The following CSGALNACT1 variants were observed in gnomAD, a reference collection of about 807,000 sequenced individuals.
CSGALNACT1 encodes beta4GalNAcT-1.
Under a neutral mutation model 51.0 loss-of-function variants are expected in CSGALNACT1, and 52 were observed. The observed-to-expected ratio is 1.02, with a 90% confidence interval of 0.82 to 1.29. The LOEUF is 1.29. CSGALNACT1 is among the 50% of genes most tolerant of loss of function. The probability of loss-of-function intolerance (pLI) is 0.00; values close to 1 mark genes in which losing one functional copy is unlikely to be tolerated. For missense variants in CSGALNACT1, 935 were observed against 679.2 expected (o/e 1.38, Z -4.19); for synonymous variants, 341 against 254.4 (o/e 1.34, Z -3.24).
intron 3 of CSGALNACT1, among the ~76,000 whole-genome samples, chr8:19,545,861 T>A (rs1337575726): frequency 6.7e-6 from 1 of 148,414 alleles, no homozygotes; most frequent in African/African-American, 2.4e-5. Flanking sequence ...ATATACTATA[T>A]ATTATATATA....
In CSGALNACT1 at chr8:19,597,376, G is replaced by A. The variant is rs565750017; in HGVS notation, c.-416+4395C>T. 2.4e-4 allele frequency among the ~76,000 whole-genome samples: 32 copies of A among 134,726 alleles called. 2 individuals carry two copies. In the South Asian group the frequency reaches 6.1e-3, roughly 26 times the overall value. The allele number at this position is 134,726 out of a possible 152,430, so 88.4% of individuals were successfully genotyped here. A position where few individuals can be genotyped will look rare whatever the true frequency, so the allele number is the denominator to read the frequency against. On this transcript the variant is annotated intron_variant, in intron 2 of 9. Transcript: ENST00000454498. ...AGTGATGTGATCATAGCTCACTGCA[G>A]ACTCAGTCTCCTGGGCTCAAGCAAT...
chr8:19,477,658 C>T (rs1194634165), intron 4 of CSGALNACT1, among the ~76,000 whole-genome samples: 1 of 152,210 alleles, frequency 6.6e-6, no homozygotes, highest in African/African-American at 2.4e-5. Context: ...GGCTCTAGAG[C>T]CGGGTGTGAG....
rs923134600 is a variant in CSGALNACT1 at position 19,454,637 on chromosome 8, C to T, written c.851+3789G>A. On this transcript the variant is annotated intron_variant, in intron 5 of 9. Transcript: ENST00000454498. Reference sequence around the variant, plus strand: ...GGTGAGCTAAGGTTCTGCCACTGCACTCCAGCCTGGGTGACAGTGAGACTC... The same window carrying T: ...GGTGAGCTAAGGTTCTGCCACTGCATTCCAGCCTGGGTGACAGTGAGACTC... Among the ~76,000 whole-genome samples, 5 of 152,292 alleles carry T rather than the reference C, an allele frequency of 3.3e-5. No individual in the cohort carries two copies. In the East Asian group the frequency reaches 7.7e-4, roughly 24 times the overall value.
chr8:19,751,911 C>T (rs961269634), intron 1 of CSGALNACT1, among the ~76,000 whole-genome samples: 1 of 152,042 alleles, frequency 6.6e-6, no homozygotes, highest in Non-Finnish European at 1.5e-5. Context: ...AACCTCTTTT[C>T]TTCATAAATT....
At chr8:19,502,506 C>T (rs1391209208) in intron 4 of CSGALNACT1, among the ~76,000 whole-genome samples, 2 of 152,146 alleles carry the variant, frequency 1.3e-5, no homozygotes, top group Non-Finnish European at 2.9e-5. Flanking sequence ...TTTTTAAATA[C>T]AAAGAATCCC....
chr8:19,440,676 C>G (rs1344971187), intron 5 of CSGALNACT1, among the ~76,000 whole-genome samples: 4 of 151,972 alleles, frequency 2.6e-5, no homozygotes, highest in East Asian at 3.9e-4. Flanking sequence ...GATGCCCTCT[C>G]TCACCACTCC....
chr8:19,575,316 T>C (rs970713671), intron 3 of CSGALNACT1, among the ~76,000 whole-genome samples: 3 of 152,202 alleles, frequency 2.0e-5, no homozygotes, highest in Non-Finnish European at 4.4e-5. Flanking sequence ...TCTCAGTCCA[T>C]CCCAGAACAC....
chr8:19,647,570 T>C (rs1381855963), intron 1 of CSGALNACT1, among the ~76,000 whole-genome samples: 2 of 152,222 alleles, frequency 1.3e-5, no homozygotes, highest in Non-Finnish European at 2.9e-5. Context: ...CAAATGTGCA[T>C]CTCAGTGCTA....
intron 4 of CSGALNACT1, among the ~76,000 whole-genome samples, chr8:19,476,537 C>A (rs1159223010): frequency 1.3e-5 from 2 of 152,154 alleles, no homozygotes; most frequent in Non-Finnish European, 2.9e-5. Context: ...TCACCACATC[C>A]AGCCTCCCCA....
chr8:19,738,040 A>C (rs1476790123), intron 1 of CSGALNACT1, among the ~76,000 whole-genome samples: 2 of 152,188 alleles, frequency 1.3e-5, no homozygotes, highest in Non-Finnish European at 2.9e-5. Context: ...AAGATGATAA[A>C]TTTTGTTATG....
intron 1 of CSGALNACT1, among the ~76,000 whole-genome samples, chr8:19,742,773 T>C (rs1164033198): frequency 2.1e-4 from 32 of 152,228 alleles, no homozygotes; most frequent in Admixed American, 2.1e-3. Flanking sequence ...ACATTATATC[T>C]GTGAAGGGTC....
intron 3 of CSGALNACT1, among the ~76,000 whole-genome samples, chr8:19,514,510 T>TATATATATATATATATAC (rs1422248108): frequency 1.5e-4 from 20 of 133,014 alleles, no homozygotes; most frequent in Non-Finnish European, 2.6e-4. Context: ...TATATATATA[T>TATATATATATATATATAC]ACATGTATCT....
intron 5 of CSGALNACT1, among the ~76,000 whole-genome samples, chr8:19,451,184 C>T (rs936203549): frequency 6.6e-6 from 1 of 152,118 alleles, no homozygotes; most frequent in Non-Finnish European, 1.5e-5. Context: ...TCATCTCACC[C>T]AACAGATGAC....
intron 4 of CSGALNACT1, among the ~76,000 whole-genome samples, chr8:19,493,401 G>C (rs889513544): frequency 6.6e-6 from 1 of 152,112 alleles, no homozygotes; most frequent in Non-Finnish European, 1.5e-5. Flanking sequence ...TGTGTTACCA[G>C]GTTTGTGCAA....
intron 4 of CSGALNACT1, among the ~76,000 whole-genome samples, chr8:19,476,342 G>A (rs769521591): frequency 2.6e-5 from 4 of 152,188 alleles, no homozygotes; most frequent in Non-Finnish European, 5.9e-5. Context: ...GAGTTCAAGC[G>A]ATTCTCCTGC....
chr8:19,601,213 G>C (rs531937922), intron 2 of CSGALNACT1, among the ~76,000 whole-genome samples: 2 of 152,300 alleles, frequency 1.3e-5, no homozygotes, highest in African/African-American at 4.8e-5. Context: ...CTAAAACCAA[G>C]CTTCCAATCC....
intron 3 of CSGALNACT1, among the ~76,000 whole-genome samples, chr8:19,532,325 T>C (rs2082930968): frequency 6.6e-6 from 1 of 152,110 alleles, no homozygotes; most frequent in South Asian, 2.1e-4. Flanking sequence ...TTTCAATGGA[T>C]GCAAAGCTGC....
intron 3 of CSGALNACT1, among the ~76,000 whole-genome samples, chr8:19,543,127 A>C (rs1303495314): frequency 6.6e-6 from 1 of 152,204 alleles, no homozygotes; most frequent in East Asian, 1.9e-4. Context: ...CGGAGTTTTC[A>C]AAACTAGATG....
intron 4 of CSGALNACT1, among the ~76,000 whole-genome samples, chr8:19,496,740 A>T (rs1463817735): frequency 2.0e-5 from 3 of 152,168 alleles, no homozygotes; most frequent in Non-Finnish European, 4.4e-5. Context: ...GGGCAGATAC[A>T]CTCAGCTAAT....
Sources: allele counts gnomAD v4.1 joint callset (sites outside exome capture counted in the v4.1 genomes callset), GRCh38; gene constraint gnomAD v4.1.1; transcripts MANE v1.5; gene names NCBI Gene and HGNC (gene_info 2026-07-23, HGNC 2026-07-21).